IWS1: variants seen among roughly 807,000 people sequenced by gnomAD.
IWS1 encodes interacts with SUPT6H, CTD assembly factor 1.
Under a neutral mutation model 86.7 loss-of-function variants are expected in IWS1, and 27 were observed. The observed-to-expected ratio is 0.31, with a 90% CI of 0.23 to 0.43. The LOEUF is 0.43. IWS1 is among the 20% of genes least tolerant of loss of function. The pLI is 1.00. For synonymous variants in IWS1, 313 were observed against 335.1 expected (o/e 0.93, Z 0.72); for missense variants, 827 against 1,000.8 (o/e 0.83, Z 2.34).
chr2:127,524,962 C>A (rs1692313862), intron 1 of IWS1, among the ~76,000 whole-genome samples: 1 of 151,882 alleles, frequency 6.6e-6, no homozygotes, highest in African/African-American at 2.4e-5. Context: ...AACTTCCGCT[C>A]ACTGCAACCT....
At chr2:127,520,183 T>C (rs1177723780) in intron 2 of IWS1, among the ~76,000 whole-genome samples, 1 of 152,168 alleles carries the variant, frequency 6.6e-6, no homozygotes, top group Non-Finnish European at 1.5e-5. Context: ...TTTGTTTTTA[T>C]TTTTGAGACA....
At chr2:127,519,331 CAT>C (rs1189428965) in intron 2 of IWS1, among the ~76,000 whole-genome samples, 2 of 148,752 alleles carry the variant, frequency 1.3e-5, no homozygotes, top group Non-Finnish European at 3.0e-5. Context: ...TATTTATAGA[CAT>C]ATACAATTAC....
chr2:127,506,204 T>C (rs1968396), intron 2 of IWS1, among the ~76,000 whole-genome samples: 76,965 of 151,650 alleles, frequency 0.51, 21,369 homozygotes, highest in Admixed American at 0.66. Context: ...CCTGTCTCTA[T>C]TAAAAATACA....
At chr2:127,503,359 T>C in intron 4 of IWS1, 28 bp downstream of exon 4, 4 of 1,572,332 alleles carry the variant, frequency 2.5e-6, no homozygotes, top group Non-Finnish European at 3.5e-6. Flanking sequence ...TAAGAACCCC[T>C]GAAAACTCAT....
chr2:127,492,691 T>C (rs151107069), intron 9 of IWS1: 2,803 of 152,926 alleles, frequency 0.018, 39 homozygotes, highest in African/African-American at 0.036. Context: ...CAGAATCCAA[T>C]AGACCTAAGA....
intron 2 of IWS1, among the ~76,000 whole-genome samples, chr2:127,522,297 T>C (rs1346915589): frequency 6.6e-6 from 1 of 152,212 alleles, no homozygotes; most frequent in African/African-American, 2.4e-5. Context: ...TTGGTTCAAA[T>C]GTCACTTTCT....
chr2:127,509,707 C>CAAAAAAAAAAAAAAAAAAA (rs34526019), intron 2 of IWS1, among the ~76,000 whole-genome samples: 1 of 55,474 alleles, frequency 1.8e-5, no homozygotes, highest in African/African-American at 7.3e-5. Flanking sequence ...CACTCCATCT[C>CAAAAAAAAAAAAAAAAAAA]AAAAAAAAAA....
At chr2:127,492,197 AT>A (rs1434774201) in intron 9 of IWS1, 109 bp from the exon 10 acceptor site, 12 of 685,774 alleles carry the variant, frequency 1.7e-5, no homozygotes, top group Non-Finnish European at 3.1e-5. Flanking sequence ...AAAAAATTCC[AT>A]TTTCAGGATC....
intron 3 of IWS1, among the ~76,000 whole-genome samples, chr2:127,503,802 G>T (rs1690951929): frequency 6.6e-6 from 1 of 151,946 alleles, no homozygotes; most frequent in African/African-American, 2.4e-5. Context: ...CTGTTATTTT[G>T]CTTAAGAAAA....
Position 127,524,599 on chromosome 2 carries a change from TG to T in IWS1, c.35-809del, listed in dbSNP as rs1432181430. ...TTTGGCCCAGGCTGGAGTGCAATGG[TG>T]TGATCTCAGCTCACTGCAACCTCCA... On this transcript the variant is annotated intron_variant, in intron 1 of 13. Coordinates refer to ENST00000295321, the MANE Select transcript of IWS1 (RefSeq NM_017969.3). Among the ~76,000 whole-genome samples, 3 of 151,910 alleles carry T rather than the reference TG, an allele frequency of 2.0e-5. No homozygotes were observed. The East Asian group carries it at 5.8e-4, about 29-fold the overall frequency.
At position 127,495,368 on chromosome 2, in the gene IWS1, T is replaced by C. The variant is rs145158216; in HGVS notation, c.1717-414A>G. Among the ~76,000 whole-genome samples the C allele has an allele frequency of 2.6e-5, 4 of 152,358 alleles. No individual in the cohort carries two copies. In the East Asian group the frequency reaches 7.7e-4, roughly 29 times the overall value. ...TCAGTATTACTTGGGCAGTTTTTTC[T>C]ATTTTTTTAAATTATGAAAAATTTC... is the stretch of plus-strand genomic sequence containing the variant. On this transcript the variant is annotated intron_variant, in intron 7 of 13. Coordinates refer to ENST00000295321, the MANE Select transcript of IWS1 (RefSeq NM_017969.3).
intron 7 of IWS1, 147 bp from the exon 8 acceptor site, chr2:127,495,101 A>G (rs972848311): frequency 1.3e-5 from 7 of 557,116 alleles, no homozygotes; most frequent in African/African-American, 1.1e-4. Flanking sequence ...GATCTTCTGC[A>G]GAGCACCAAG....
chr2:127,485,984 C>T (rs777465358), intron 13 of IWS1: 10 of 153,346 alleles, frequency 6.5e-5, no homozygotes, highest in African/African-American at 2.2e-4. Context: ...TTCTGCAAAT[C>T]GCCTCTTATG....
chr2:127,510,336 GCA>G (rs1383561650), intron 2 of IWS1, among the ~76,000 whole-genome samples: 1 of 152,078 alleles, frequency 6.6e-6, no homozygotes, highest in Non-Finnish European at 1.5e-5. Flanking sequence ...AAACTCCCAA[GCA>G]CACACTTAAT....
chr2:127,501,963 T>C (rs1462742864), intron 5 of IWS1, among the ~76,000 whole-genome samples: 1 of 152,242 alleles, frequency 6.6e-6, no homozygotes, highest in Non-Finnish European at 1.5e-5. Flanking sequence ...TTGAATCTTG[T>C]TTCTTATCTC....
intron 13 of IWS1, chr2:127,486,068 G>A (rs558846373): frequency 1.0e-3 from 162 of 154,416 alleles, no homozygotes; most frequent in Non-Finnish European, 1.7e-3. Context: ...AATAAAAAGA[G>A]ATTACTGAGA....
chr2:127,509,268 A>C (rs12621149), intron 2 of IWS1, among the ~76,000 whole-genome samples: 104,284 of 152,024 alleles, frequency 0.69, 37,208 homozygotes, highest in Admixed American at 0.78. Context: ...AAAAATCCAA[A>C]AGACAGTTTT....
chr2:127,523,782 C>T lies in IWS1; in HGVS notation c.44G>A (p.Gly15Asp), dbSNP rs772015724. Residue 15 changes from glycine (G) to aspartate (D), a missense_variant, in exon 2 of 14, where the codon GGT becomes GAT. By Grantham distance (94) the Gly-to-Asp change is moderately conservative. Around this residue, in one of 2 missense-constraint regions of IWS1, gnomAD observed 548 missense variants for 560.2 expected, o/e 0.98. Transcript: ENST00000295321. ...CCGTTCATCCTGTACTGGGGTAGCA[C>T]CACCATCATCTGATTAAAAACAAAA... is the stretch of plus-strand genomic sequence containing the variant. ...YYSGDQSDDG[G>D]ATPVQDERDS... The T allele has an allele frequency of 6.2e-7, 1 of 1,608,488 alleles. No homozygotes were observed. The highest frequency in any genetic ancestry group is 2.2e-5 in the East Asian group (1 of 44,806).
At chr2:127,493,440 G>A in intron 8 of IWS1, 30 bp from the exon 9 acceptor site, 2 of 1,573,456 alleles carry the variant, frequency 1.3e-6, no homozygotes, top group Non-Finnish European at 1.7e-6. Context: ...TAAAAATTCT[G>A]TGAACCTTGG....
Sources: allele counts gnomAD v4.1 joint callset (sites outside exome capture counted in the v4.1 genomes callset), GRCh38; gene constraint gnomAD v4.1.1; regional missense constraint gnomAD v4.1.1; transcripts MANE v1.5; gene names NCBI Gene and HGNC (gene_info 2026-07-23, HGNC 2026-07-21).